The following INPP4B variants were observed in gnomAD, a reference collection of about 807,000 sequenced individuals.
INPP4B encodes the protein inositol polyphosphate 4-phosphatase type II.
In INPP4B, 55 loss-of-function variants were observed where a neutral mutation model predicts 122.5. The observed-to-expected ratio is 0.45, with a 90% CI of 0.36 to 0.56. The LOEUF (loss-of-function observed/expected upper bound fraction) is 0.56. Among genes scored for constraint, INPP4B ranks in the 20% least tolerant of loss-of-function variants. The probability of loss-of-function intolerance (pLI) is 0.00; values close to 1 mark genes in which losing one functional copy is unlikely to be tolerated. For missense variants in INPP4B, 1,000 were observed against 1,097.7 expected (o/e 0.91, Z 1.26); for synonymous variants, 403 against 388.7 (o/e 1.04, Z -0.43).
At chr4:142,294,714 A>T (rs1757822168) in intron 9 of INPP4B, among the ~76,000 whole-genome samples, 1 of 151,308 alleles carries the variant, frequency 6.6e-6, no homozygotes, top group Non-Finnish European at 1.5e-5. Flanking sequence ...ACCATAAATG[A>T]GGTAAGAAGA....
At chr4:142,532,251 C>T (rs989653350) in intron 2 of INPP4B, among the ~76,000 whole-genome samples, 1 of 152,184 alleles carries the variant, frequency 6.6e-6, no homozygotes, top group Non-Finnish European at 1.5e-5. Flanking sequence ...CCATCCACTT[C>T]AGCAGCAGCA....
intron 2 of INPP4B, among the ~76,000 whole-genome samples, chr4:142,679,294 T>C (rs537610117): frequency 6.6e-6 from 1 of 152,024 alleles, no homozygotes; most frequent in South Asian, 2.1e-4. Flanking sequence ...CAAGACACAG[T>C]ACACTTTCTT....
intron 16 of INPP4B, among the ~76,000 whole-genome samples, chr4:142,163,416 T>C (rs1307458906): frequency 1.3e-5 from 2 of 151,834 alleles, no homozygotes. Context: ...ATTGCAGTGC[T>C]CATGTTCAAG....
intron 2 of INPP4B, among the ~76,000 whole-genome samples, chr4:142,545,739 A>G (rs72726428): frequency 0.57 from 63,811 of 111,686 alleles, 17,623 homozygotes; most frequent in Non-Finnish European, 0.66. Context: ...ATACACATAT[A>G]TGTGTATATA....
intron 7 of INPP4B, among the ~76,000 whole-genome samples, chr4:142,341,918 C>A (rs893971149): frequency 6.6e-6 from 1 of 152,092 alleles, no homozygotes; most frequent in African/African-American, 2.4e-5. Context: ...ACAGATTCTT[C>A]CCCAGTTAAG....
chr4:142,645,086 TA>T (rs1331175034), intron 2 of INPP4B, among the ~76,000 whole-genome samples: 2 of 152,052 alleles, frequency 1.3e-5, no homozygotes, highest in African/African-American at 4.8e-5. Context: ...CAAACAAAAA[TA>T]TACAGAGGTA....
In INPP4B at chr4:142,039,597, TA is replaced by T. The variant is rs139774070; in HGVS notation, c.2643-10684del. The stretch of plus-strand genomic sequence containing the variant: ...TATGAAATTTTAAAAAGTGCTTTAT[TA>T]AAAAAAAAAGGAAAAATGAAAGAGA... On this transcript the variant is annotated intron_variant, in intron 25 of 25. Coordinates refer to ENST00000262992, the MANE Select transcript of INPP4B (RefSeq NM_001101669.3). Among the ~76,000 whole-genome samples, 50 of 147,334 alleles carry T rather than the reference TA, an allele frequency of 3.4e-4. 1 individual carries two copies. Among genetic ancestry groups the T allele is most frequent in the Admixed American group, 6.1e-4 (9 of 14,700 alleles).
chr4:142,837,473 C>T (rs543001044), intron 1 of INPP4B, among the ~76,000 whole-genome samples: 2 of 152,102 alleles, frequency 1.3e-5, no homozygotes, highest in Non-Finnish European at 2.9e-5. Flanking sequence ...AGTCACTTAA[C>T]CTCTCAAAAA....
At chr4:142,793,889 C>T (rs1002782010) in intron 1 of INPP4B, among the ~76,000 whole-genome samples, 5 of 151,810 alleles carry the variant, frequency 3.3e-5, no homozygotes, top group African/African-American at 1.2e-4. Context: ...TACTATAAAG[C>T]TTTACAAAAT....
chr4:142,304,132 C>A (rs1413843782), intron 9 of INPP4B, among the ~76,000 whole-genome samples: 1 of 152,022 alleles, frequency 6.6e-6, no homozygotes, highest in Non-Finnish European at 1.5e-5. Context: ...TAAGGCAACT[C>A]AATGTTTGAC....
chr4:142,432,180 A>G (rs1350734137), intron 3 of INPP4B, among the ~76,000 whole-genome samples: 2 of 152,142 alleles, frequency 1.3e-5, no homozygotes, highest in Admixed American at 6.6e-5. Context: ...TAAAAAATCA[A>G]TGTTGTTTTA....
chr4:142,060,814 A>T (rs919829436), intron 25 of INPP4B, among the ~76,000 whole-genome samples: 1 of 152,232 alleles, frequency 6.6e-6, no homozygotes, highest in African/African-American at 2.4e-5. Flanking sequence ...AAAGTGCTTG[A>T]TACTTAGTAA....
intron 24 of INPP4B, among the ~76,000 whole-genome samples, 174 bp from the exon 25 acceptor site, chr4:142,082,359 T>C (rs2152529656): frequency 6.6e-6 from 1 of 152,318 alleles, no homozygotes. Context: ...TACCTTTTCA[T>C]TTCAAAAGCC....
intron 10 of INPP4B, among the ~76,000 whole-genome samples, chr4:142,265,963 C>T (rs6844709): frequency 0.099 from 15,121 of 152,088 alleles, 822 homozygotes; most frequent in Middle Eastern, 0.16. Flanking sequence ...AAAAGGTGGG[C>T]TAGTTTTGAG....
intron 4 of INPP4B, among the ~76,000 whole-genome samples, chr4:142,429,431 C>T (rs1250821778): frequency 6.6e-6 from 1 of 151,952 alleles, no homozygotes; most frequent in Admixed American, 6.6e-5. Context: ...TTTGATTGGT[C>T]ATTTTATCTG....
intron 1 of INPP4B, among the ~76,000 whole-genome samples, chr4:142,791,775 G>T (rs1034028250): frequency 6.6e-6 from 1 of 151,988 alleles, no homozygotes; most frequent in Non-Finnish European, 1.5e-5. Flanking sequence ...CTCCTGTAAA[G>T]TGTGCACCCT....
intron 9 of INPP4B, among the ~76,000 whole-genome samples, chr4:142,272,841 A>G (rs908765747): frequency 2.0e-5 from 3 of 152,074 alleles, no homozygotes; most frequent in South Asian, 2.1e-4. Flanking sequence ...CTGCTTATCT[A>G]TAAAAACTAA....
chr4:142,658,932 G>C (rs1305121422), intron 2 of INPP4B, among the ~76,000 whole-genome samples: 1 of 152,118 alleles, frequency 6.6e-6, no homozygotes, highest in African/African-American at 2.4e-5. Context: ...GTTGGGCTTG[G>C]CTTTAAAAGT....
intron 25 of INPP4B, chr4:142,029,237 A>G (rs1738276615): frequency 1.4e-5 from 14 of 1,019,302 alleles, no homozygotes; most frequent in Non-Finnish European, 1.6e-5. Flanking sequence ...TAACATTTCC[A>G]CAAATTAATT....
Sources: allele counts gnomAD v4.1 joint callset (sites outside exome capture counted in the v4.1 genomes callset), GRCh38; gene constraint gnomAD v4.1.1; transcripts MANE v1.5; gene names NCBI Gene and HGNC (gene_info 2026-07-23, HGNC 2026-07-21).